Variants in TMC5 observed in about 807,000 individuals in gnomAD.
TMC5 encodes transmembrane channel-like protein 5.
TMC5 carries 86 observed loss-of-function variants against 110.5 expected under a neutral mutation model. The observed-to-expected ratio is 0.78, with a 90% CI of 0.65 to 0.93. TMC5 has a LOEUF of 0.93. TMC5 is among the 40% of genes least tolerant of loss of function. The pLI is 0.00. For synonymous variants in TMC5, 455 were observed against 439.5 expected, an observed-to-expected ratio of 1.04 and a Z score of -0.44; for missense variants, 1,144 against 1,222.8, an observed-to-expected ratio of 0.94 and a Z score of 0.96.
intron 1 of TMC5, among the ~76,000 whole-genome samples, chr16:19,425,976 C>T (rs548127758): frequency 1.8e-4 from 27 of 152,328 alleles, no homozygotes; most frequent in Non-Finnish European, 2.4e-4. Context: ...CGTGAGCCAC[C>T]GCACCCAGCC....
chr16:19,485,728 G>T (rs184895897), intron 15 of TMC5, among the ~76,000 whole-genome samples: 2 of 152,346 alleles, frequency 1.3e-5, no homozygotes, highest in East Asian at 3.9e-4. Context: ...ATTCTAGCGA[G>T]ATGTTACAGT....
At chr16:19,427,067 C>T (rs907222067) in intron 1 of TMC5, among the ~76,000 whole-genome samples, 1 of 108,702 alleles carries the variant, frequency 9.2e-6, no homozygotes, top group African/African-American at 2.5e-5. Context: ...CCTGAGGATC[C>T]ATGTGCCCCC....
At chr16:19,470,319 G>A (rs1171103642) in intron 10 of TMC5, among the ~76,000 whole-genome samples, 8 of 152,034 alleles carry the variant, frequency 5.3e-5, no homozygotes, top group African/African-American at 1.9e-4. Flanking sequence ...CTCCCAAGTA[G>A]CTGGGATTAC....
Position 19,418,752 on chromosome 16 carries a change from A to G in TMC5, c.-308+660A>G, listed in dbSNP as rs1278073585. Among the ~76,000 whole-genome samples, 5 of 133,436 alleles carry G rather than the reference A, an allele frequency of 3.7e-5. No homozygotes were observed. In the East Asian group the frequency reaches 1.1e-3, roughly 29 times the overall value. The allele number at this position is 133,436 out of a possible 152,430, so 87.5% of individuals were successfully genotyped here. The stretch of plus-strand genomic sequence containing the variant: ...GTTTTTTTTTTTTTTTTTCGAGACA[A>G]TATCTCACTCTGTTGCCCAGGCTGG... On this transcript the variant is annotated intron_variant, in intron 1 of 21. Transcript: ENST00000542583.
At chr16:19,435,876 G>C (rs747699997) in intron 2 of TMC5, among the ~76,000 whole-genome samples, 9 of 152,218 alleles carry the variant, frequency 5.9e-5, no homozygotes, top group African/African-American at 1.9e-4. Context: ...TTGCCTCTCT[G>C]TAGTATTTCA....
chr16:19,417,480 C>A (rs1222245933), upstream of TMC5, among the ~76,000 whole-genome samples: 1 of 150,610 alleles, frequency 6.6e-6, no homozygotes, highest in Non-Finnish European at 1.5e-5. Context: ...GCATCACGTT[C>A]CATTCTTTGT....
At chr16:19,466,878 C>T (rs924370589) in intron 9 of TMC5, among the ~76,000 whole-genome samples, 1 of 152,132 alleles carries the variant, frequency 6.6e-6, no homozygotes, top group Non-Finnish European at 1.5e-5. Context: ...GGGCACGGTG[C>T]TCATGCCTGT....
chr16:19,426,834 C>T (rs1044866914), intron 1 of TMC5, among the ~76,000 whole-genome samples: 3 of 152,318 alleles, frequency 2.0e-5, no homozygotes, highest in African/African-American at 7.2e-5. Flanking sequence ...CTGCTCCTCG[C>T]TGGCTGATCT....
At chr16:19,497,333 G>A (rs555076501) in intron 21 of TMC5, among the ~76,000 whole-genome samples, 170 bp downstream of exon 21, 1 of 152,200 alleles carries the variant, frequency 6.6e-6, no homozygotes, top group Non-Finnish European at 1.5e-5. Context: ...CTTGCCTAAC[G>A]CAGGAACTCA....
chr16:19,459,228 C>G (rs987268721), intron 5 of TMC5, among the ~76,000 whole-genome samples: 12 of 152,092 alleles, frequency 7.9e-5, no homozygotes, highest in African/African-American at 2.7e-4. Context: ...GAGATAGGCT[C>G]CACCTCAAGG....
At chr16:19,477,319 C>A (rs1184665095) in intron 12 of TMC5, 121 bp from the exon 13 acceptor site, 1 of 721,936 alleles carries the variant, frequency 1.4e-6, no homozygotes, top group Non-Finnish European at 2.5e-6. Flanking sequence ...TAGCCATGTG[C>A]CCCCCTCCAA....
At chr16:19,484,259 T>A (rs772258771) in intron 15 of TMC5, among the ~76,000 whole-genome samples, 5 of 152,288 alleles carry the variant, frequency 3.3e-5, no homozygotes, top group Non-Finnish European at 5.9e-5. Context: ...AGTTAATGAG[T>A]TTATTTTTTA....
intron 3 of TMC5, among the ~76,000 whole-genome samples, chr16:19,441,765 C>T (rs1003853105): frequency 4.6e-5 from 7 of 151,836 alleles, no homozygotes; most frequent in Non-Finnish European, 8.8e-5. Flanking sequence ...CCTTTAAGGC[C>T]GGTTTTTTGT....
At chr16:19,478,622 TTATC>T (rs1458760803) in intron 13 of TMC5, among the ~76,000 whole-genome samples, 3 of 152,090 alleles carry the variant, frequency 2.0e-5, no homozygotes, top group Non-Finnish European at 2.9e-5. Context: ...ATCCATATAT[TTATC>T]TATTCATTCA....
chr16:19,462,201 CTTA>C (rs1021285636), intron 6 of TMC5, among the ~76,000 whole-genome samples: 34 of 152,176 alleles, frequency 2.2e-4, no homozygotes, highest in African/African-American at 8.2e-4. Flanking sequence ...AGCAAGATTT[CTTA>C]ATATCAGTAC....
chr16:19,492,942 A>ATATATATATATAT (rs57619005), intron 19 of TMC5, among the ~76,000 whole-genome samples: 42 of 107,612 alleles, frequency 3.9e-4, no homozygotes, highest in East Asian at 5.1e-4. Context: ...ATCTCTCTAT[A>ATATATATATATAT]AGATAAATAC....
chr16:19,424,424 G>A (rs929797582), intron 1 of TMC5, among the ~76,000 whole-genome samples: 5 of 152,214 alleles, frequency 3.3e-5, no homozygotes, highest in Non-Finnish European at 5.9e-5. Context: ...GCCAAGGCGG[G>A]TGGATCACCT....
chr16:19,422,032 C>G (rs1004400603), intron 1 of TMC5, among the ~76,000 whole-genome samples: 2 of 150,608 alleles, frequency 1.3e-5, no homozygotes, highest in African/African-American at 4.9e-5. Context: ...AGATCAAGAC[C>G]ATCCTGGCCA....
chr16:19,417,548 A>T (rs1405581758), upstream of TMC5: 1 of 150,330 alleles, frequency 6.7e-6, no homozygotes, highest in African/African-American at 2.5e-5. Flanking sequence ...AGGGTTAAAA[A>T]AAAAACACAA....
Sources: allele counts gnomAD v4.1 joint callset (sites outside exome capture counted in the v4.1 genomes callset), GRCh38; gene constraint gnomAD v4.1.1; transcripts MANE v1.5; gene names NCBI Gene and HGNC (gene_info 2026-07-23, HGNC 2026-07-21).